PRELID2: variants seen among roughly 807,000 people sequenced by gnomAD.
PRELID2 encodes PRELI domain-containing protein 2.
PRELID2 carries 25 observed loss-of-function variants against 28.4 expected under a neutral mutation model. The ratio of observed to expected loss-of-function variants is 0.88; its 90% CI spans 0.64 to 1.23. The LOEUF is 1.23. PRELID2 is among the 50% of genes most tolerant of loss of function. The probability of loss-of-function intolerance (pLI) is 0.00; values close to 1 mark genes in which losing one functional copy is unlikely to be tolerated. For synonymous variants in PRELID2, 76 were observed against 71.6 expected (o/e 1.06, Z -0.31); for missense variants, 201 against 214.4 (o/e 0.94, Z 0.39).
chr5:145,813,145 C>G (rs190993588), intron 4 of PRELID2, among the ~76,000 whole-genome samples: 325 of 152,318 alleles, frequency 2.1e-3, no homozygotes, highest in Admixed American at 5.8e-3. Context: ...AACCAACACA[C>G]AGCTTGAAAG....
chr5:145,297,365 A>G, the PRELID2 span, among the ~76,000 whole-genome samples: 1 of 152,102 alleles, frequency 6.6e-6, no homozygotes, highest in Non-Finnish European at 1.5e-5. Flanking sequence ...AAAGACAAAA[A>G]CCACATGATT....
At chr5:145,445,981 G>A in the PRELID2 span, among the ~76,000 whole-genome samples, 15 of 152,164 alleles carry the variant, frequency 9.9e-5, no homozygotes, top group Non-Finnish European at 7.4e-5. Context: ...TGAGAAGGGT[G>A]AGGGAAGGGG....
At chr5:145,740,614 A>AC in intron 1 of PRELID2, among the ~76,000 whole-genome samples, 1 of 9,900 alleles carries the variant, frequency 1.0e-4, no homozygotes, top group Non-Finnish European at 5.8e-4. Context: ...TTATATATAT[A>AC]AATATATATA....
At chr5:145,617,598 A>T (rs1753716685) in intron 1 of PRELID2, among the ~76,000 whole-genome samples, 1 of 152,124 alleles carries the variant, frequency 6.6e-6, no homozygotes, top group Non-Finnish European at 1.5e-5. Context: ...GTTAATTCGA[A>T]GGCCTTGTCT....
the PRELID2 span, among the ~76,000 whole-genome samples, chr5:145,450,023 C>T: frequency 2.7e-3 from 412 of 152,196 alleles, 1 homozygote; most frequent in African/African-American, 9.3e-3. Flanking sequence ...AAAATAAAAA[C>T]GAAATGCAAA....
At chr5:145,817,198 A>AAAAAAAATATATATATATATAT (rs1365517052) in intron 4 of PRELID2, among the ~76,000 whole-genome samples, 3 of 70,070 alleles carry the variant, frequency 4.3e-5, no homozygotes, top group Admixed American at 1.8e-4. Flanking sequence ...TTCAAAAAAA[A>AAAAAAAATATATATATATATAT]ATAAATAAAT....
the PRELID2 span, among the ~76,000 whole-genome samples, chr5:145,350,294 G>T: frequency 1.1e-4 from 16 of 152,230 alleles, no homozygotes; most frequent in African/African-American, 3.9e-4. Context: ...TATCAGTCTA[G>T]ATGACATGAG....
the PRELID2 span, among the ~76,000 whole-genome samples, chr5:145,271,807 C>T: frequency 6.6e-6 from 1 of 152,154 alleles, no homozygotes; most frequent in Non-Finnish European, 1.5e-5. Flanking sequence ...ATCCGCAAGA[C>T]ATATCTCTAA....
At chr5:145,647,965 C>G (rs1002440825) in intron 1 of PRELID2, among the ~76,000 whole-genome samples, 5 of 152,172 alleles carry the variant, frequency 3.3e-5, no homozygotes, top group African/African-American at 1.2e-4. Flanking sequence ...GAGCTGTAGA[C>G]CAGAGCTGTT....
intron 1 of PRELID2, among the ~76,000 whole-genome samples, chr5:145,604,742 T>A (rs1256888528): frequency 7.2e-6 from 1 of 139,756 alleles, no homozygotes; most frequent in East Asian, 2.0e-4. Context: ...GCATCTGTTT[T>A]TTTTGGTTTT....
At chr5:145,787,376 C>A (rs1561607546) in intron 5 of PRELID2, among the ~76,000 whole-genome samples, 1 of 151,982 alleles carries the variant, frequency 6.6e-6, no homozygotes, top group Non-Finnish European at 1.5e-5. Context: ...TTTTGCTTTG[C>A]GTTTGGAAAT....
chr5:145,813,230 T>A (rs1200242179), intron 4 of PRELID2, among the ~76,000 whole-genome samples: 4 of 152,184 alleles, frequency 2.6e-5, no homozygotes, highest in African/African-American at 9.7e-5. Flanking sequence ...CTGGGTGCAG[T>A]GGCTAGCCAT....
chr5:145,607,813 C>T (rs1401635273), intron 1 of PRELID2, among the ~76,000 whole-genome samples: 7 of 152,120 alleles, frequency 4.6e-5, no homozygotes, highest in East Asian at 1.9e-4. Flanking sequence ...TTTTCTGCTA[C>T]GATGATTTGT....
intron 1 of PRELID2, among the ~76,000 whole-genome samples, chr5:145,587,396 C>A (rs577720056): frequency 5.3e-5 from 8 of 152,222 alleles, no homozygotes; most frequent in Admixed American, 2.0e-4. Context: ...TATACATCAG[C>A]AAGCATTAGA....
the PRELID2 span, among the ~76,000 whole-genome samples, chr5:145,337,334 A>T: frequency 6.6e-6 from 1 of 152,004 alleles, no homozygotes; most frequent in Non-Finnish European, 1.5e-5. Context: ...CAAGAAAAAA[A>T]GAAGACACCT....
chr5:145,765,810 T>C (rs937905292), intron 5 of PRELID2, among the ~76,000 whole-genome samples: 4 of 152,066 alleles, frequency 2.6e-5, no homozygotes, highest in African/African-American at 9.7e-5. Context: ...TTAATACACA[T>C]AAAACCTCCA....
chr5:145,534,867 T>C (rs918669386), intron 1 of PRELID2, among the ~76,000 whole-genome samples: 2 of 151,936 alleles, frequency 1.3e-5, no homozygotes, highest in African/African-American at 4.8e-5. Flanking sequence ...GCCAGCTCAT[T>C]GTATGAGGTG....
intron 1 of PRELID2, among the ~76,000 whole-genome samples, chr5:145,735,651 C>T (rs1342909809): frequency 6.6e-6 from 1 of 152,126 alleles, no homozygotes; most frequent in Non-Finnish European, 1.5e-5. Flanking sequence ...AAGTATGTGG[C>T]CATGTAGTGA....
the PRELID2 span, among the ~76,000 whole-genome samples, chr5:145,397,563 C>A: frequency 5.3e-5 from 8 of 152,286 alleles, no homozygotes; most frequent in Non-Finnish European, 8.8e-5. Context: ...CCTGTTTTGA[C>A]AATGCTTCTG....
Sources: allele counts gnomAD v4.1 joint callset (sites outside exome capture counted in the v4.1 genomes callset), GRCh38; gene constraint gnomAD v4.1.1; transcripts MANE v1.5; gene names NCBI Gene and HGNC (gene_info 2026-07-23, HGNC 2026-07-21).